The following CD177 variants were observed in gnomAD, a reference collection of about 807,000 sequenced individuals.
CD177 encodes the protein CD177 molecule.
CD177 carries 41 observed loss-of-function variants against 38.1 expected under a neutral mutation model. That is an observed-to-expected ratio of 1.07 (90% CI 0.84 to 1.39). The LOEUF (loss-of-function observed/expected upper bound fraction) is 1.39, where lower values mean the gene tolerates loss of function less well. Ranked by LOEUF, CD177 falls within the 40% of genes most tolerant of loss-of-function variation. CD177 has a pLI of 0.00. For missense variants in CD177, 619 were observed against 523.8 expected (o/e 1.18, Z -1.77); for synonymous variants, 236 against 216.7 (o/e 1.09, Z -0.78).
rs764171369 is a variant in CD177 at position 43,356,088 on chromosome 19, C to A, written c.599C>A (p.Thr200Asn). The change falls in exon 5 of 9, where the codon ACT (threonine) becomes AAT (asparagine). Residue 200 changes from threonine (T) to asparagine (N), a missense_variant. Transcript: ENST00000618265. Reference sequence around the variant, plus strand: ...CAGGAAATTGGGCCCGTGGGTATGACTGAGAACTGCGATATGAAAGGTGAG... The same window carrying A: ...CAGGAAATTGGGCCCGTGGGTATGAATGAGAACTGCGATATGAAAGGTGAG... ...GTQEIGPVGM[T>N]ENCDMKDFLT... 8.0e-6 allele frequency: 5 copies of A among 627,122 alleles called. No homozygotes were observed. The highest frequency in any genetic ancestry group is 1.4e-5 in the Non-Finnish European group (5 of 347,234). The allele number at this position is 627,122 out of a possible 1,614,324, so 38.8% of individuals were successfully genotyped here.
chr19:43,361,022 G>A (rs1207906680), intron 6 of CD177, 121 bp from the exon 7 acceptor site: 8 of 620,996 alleles, frequency 1.3e-5, no homozygotes, highest in Non-Finnish European at 2.1e-5. Context: ...CCCAGCAGTT[G>A]TGATCAGGGC....
rs368997775 is a variant in CD177 at position 43,362,286 on chromosome 19, C to T, written c.1280C>T (p.Ala427Val). 40 of 1,585,636 alleles carry T rather than the reference C, an allele frequency of 2.5e-5. No individual in the cohort carries two copies. Among genetic ancestry groups the T allele is most frequent in the East Asian group, 2.5e-4 (11 of 44,568 alleles). The change falls in exon 9 of 9, where the codon GCG becomes GTG. Residue 427 changes from alanine to valine, a missense_variant. Transcript: ENST00000618265. ...TWGVGLALAP[A>V]LWWGVVCPSC ...GGGGTGGGGCTGGCACTGGCCCCAG[C>T]GCTGTGGTGGGGAGTGGTTTGCCCT... is the stretch of plus-strand genomic sequence containing the variant.
intron 8 of CD177, 118 bp from the exon 9 acceptor site, chr19:43,361,970 G>A: frequency 1.2e-6 from 1 of 812,284 alleles, no homozygotes; most frequent in Non-Finnish European, 2.0e-6. Flanking sequence ...TGAGGAGCTG[G>A]AGCTGGGGGT....
In CD177 at chr19:43,362,892, CA is replaced by C. The variant is rs1257262011; in HGVS notation, c.*573del. 1 of 152,304 alleles carries C rather than the reference CA, an allele frequency of 6.6e-6. No individual in the cohort carries two copies. The highest frequency in any genetic ancestry group is 1.5e-5 in the Non-Finnish European group (1 of 68,114). The allele number at this position is 152,304 out of a possible 1,614,324, so 9.4% of individuals were successfully genotyped here. A position where few individuals can be genotyped will look rare whatever the true frequency, so the allele number is the denominator to read the frequency against. ...TGCAGGAGAGGTTAGTACAGTCATG[CA>C]TTGCTTAACGACAGGGACGTGTCGT... On this transcript the variant is annotated 3_prime_UTR_variant, in exon 9 of 9. Coordinates refer to ENST00000618265, the MANE Select transcript of CD177 (RefSeq NM_020406.4).
Position 43,355,720 on chromosome 19 carries a change from A to G in CD177, c.439A>G (p.Thr147Ala). 6.2e-7 allele frequency: 1 copy of G among 1,612,972 alleles called. No individual in the cohort carries two copies. The highest frequency in any genetic ancestry group is 8.5e-7 in the Non-Finnish European group (1 of 1,179,350). The change falls in exon 4 of 9, where the codon ACA (threonine) becomes GCA (alanine). Residue 147 changes from threonine (T) to alanine (A), a missense_variant. Thr to Ala is a moderately conservative substitution (Grantham distance 58). Coordinates refer to ENST00000618265, the MANE Select transcript of CD177 (RefSeq NM_020406.4). ...LSMEGCLEGT[T>A]EEICPKGTTH... ...TATGGAAGGCTGTCTGGAGGGGACA[A>G]CAGAAGAGATCTGCCCCAAGGGGAC...
intron 8 of CD177, among the ~76,000 whole-genome samples, chr19:43,361,826 G>A (rs1163451118): frequency 6.7e-6 from 1 of 150,070 alleles, no homozygotes; most frequent in East Asian, 2.0e-4. Flanking sequence ...GTCTGAGGGA[G>A]GAGGGGCTGG....
Position 43,354,443 on chromosome 19 carries a change from C to G in CD177, c.379+51C>G, listed in dbSNP as rs770367306. ...AGGGAGGGGCTGCTAGAAGGGGATC[C>G]GCTGAGCACAGAGGGGCTGTTACGG... On this transcript the variant is annotated intron_variant, in intron 3 of 8. Coordinates refer to ENST00000618265, the MANE Select transcript of CD177 (RefSeq NM_020406.4). The G allele has an allele frequency of 1.2e-5, 19 of 1,589,432 alleles. No individual in the cohort carries two copies. In the South Asian group the frequency reaches 2.1e-4, roughly 18 times the overall value.
intron 5 of CD177, 102 bp from the exon 6 acceptor site, chr19:43,360,163 G>A (rs1969939907): frequency 1.5e-6 from 2 of 1,372,836 alleles, no homozygotes; most frequent in East Asian, 2.5e-5. Context: ...AGGTCACCTG[G>A]AGTGTGACTC....
chr19:43,363,520 G>C (rs1970003700), downstream of CD177, among the ~76,000 whole-genome samples: 1 of 152,210 alleles, frequency 6.6e-6, no homozygotes, highest in Non-Finnish European at 1.5e-5. Context: ...AGCCCACAAT[G>C]ATACTGGGGA....
Position 43,362,217 on chromosome 19 carries a change from A to G in CD177, c.1211A>G (p.Gln404Arg). 1 of 1,601,814 alleles carries G rather than the reference A, an allele frequency of 6.2e-7. No homozygotes were observed. Among genetic ancestry groups the G allele is most frequent in the Non-Finnish European group, 8.5e-7 (1 of 1,173,444 alleles). ...CGTGATGTGCAGCCTCCTGCCTCTC[A>G]GCATGAGGGAGGTGGGGCTGAGGGC... Reference protein sequence around the residue: ...EKRDVQPPASQHEGGGAEGLE... With the variant: ...EKRDVQPPASRHEGGGAEGLE... The change falls in exon 9 of 9, where the codon CAG becomes CGG. Residue 404 changes from glutamine to arginine, a missense_variant. Coordinates refer to ENST00000618265, the MANE Select transcript of CD177 (RefSeq NM_020406.4).
Position 43,356,044 on chromosome 19 carries a change from C to A in CD177, c.555C>A (p.Cys185Ter). 1 of 665,484 alleles carries A rather than the reference C, an allele frequency of 1.5e-6. No homozygotes were observed. The highest frequency in any genetic ancestry group is 1.7e-5 in the South Asian group (1 of 58,166). 41.2% of individuals were successfully genotyped at this position (665,484 alleles called of 1,614,324 possible). Residue 185 changes from cysteine to a stop codon, truncating the protein, a stop_gained, in exon 5 of 9, where the codon TGC becomes TGA. Coordinates refer to ENST00000618265, the MANE Select transcript of CD177 (RefSeq NM_020406.4). LOFTEE classifies it high-confidence loss of function. Reference protein sequence around the residue: ...RVQGCMPQPVCNLLNGTQEIG... With the variant: ...RVQGCMPQPV Reference sequence around the variant, plus strand: ...AGGGATGCATGCCCCAGCCAGTTTGCAACCTGCTCAATGGGACACAGGAAA... The same window carrying A: ...AGGGATGCATGCCCCAGCCAGTTTGAAACCTGCTCAATGGGACACAGGAAA...
Position 43,362,095 on chromosome 19 carries a change from G to A in CD177, c.1089G>A (p.Leu363=). 1 of 1,613,596 alleles carries A rather than the reference G, an allele frequency of 6.2e-7. No individual in the cohort carries two copies. The highest frequency in any genetic ancestry group is 1.3e-5 in the African/African-American group (1 of 75,022). Residue 363 remains leucine, a synonymous_variant, in exon 9 of 9, where the codon CTG becomes CTA. Transcript: ENST00000618265. Reference sequence around the variant, plus strand: ...TTGGTCTTCTCCCTCTAGGTGGGCTGTCCACCAAAATGAGCATTCAGGGCT... The same window carrying A: ...TTGGTCTTCTCCCTCTAGGTGGGCTATCCACCAAAATGAGCATTCAGGGCT... ...DGYIHLSGGG[L]STKMSIQGCV...
At chr19:43,363,397 CAT>C (rs1970002152), downstream of CD177, among the ~76,000 whole-genome samples, 1 of 148,770 alleles carries the variant, frequency 6.7e-6, no homozygotes, top group East Asian at 2.0e-4. Flanking sequence ...GAGAGAGAGA[CAT>C]AGACAGAAAG....
chr19:43,354,170 G>C (rs374366448), intron 2 of CD177, 37 bp from the exon 3 acceptor site: 2 of 1,595,608 alleles, frequency 1.3e-6, no homozygotes, highest in Non-Finnish European at 1.7e-6. Context: ...CTGGAGGCCT[G>C]ACCTCCATCC....
At position 43,353,756 on chromosome 19, in the gene CD177, C is replaced by T; in HGVS notation, c.42C>T (p.Leu14=). The part of the protein sequence containing the change: ...VLLLALLGFI[L]PLPGVQALLC... ...TGCTGGCCCTCCTGGGGTTCATCCT[C>T]CCACTGCCAGGTGAGTGATGAGCCC... The change falls in exon 1 of 9, where the codon CTC becomes CTT. Residue 14 remains leucine (L), a synonymous_variant. Transcript: ENST00000618265. 4 of 1,613,928 alleles carry T rather than the reference C, an allele frequency of 2.5e-6. No homozygotes were observed. Among genetic ancestry groups the T allele is most frequent in the Middle Eastern group, 1.7e-4 (1 of 6,060 alleles).
intron 5 of CD177, among the ~76,000 whole-genome samples, chr19:43,360,009 T>C (rs1236177684): frequency 2.6e-5 from 4 of 151,774 alleles, no homozygotes; most frequent in African/African-American, 9.7e-5. Context: ...TCCATTGCTC[T>C]CACAGCTAAA....
chr19:43,361,426 C>T lies in CD177; in HGVS notation c.947-19C>T, dbSNP rs780284834. ...CTGAGCACAAAGTCATGTACCCCCA[C>T]CTTCCCTCTGCTCCCCAGCTGCCCC... On this transcript the variant is annotated intron_variant, in intron 7 of 8. Coordinates refer to ENST00000618265, the MANE Select transcript of CD177 (RefSeq NM_020406.4). 5.0e-6 allele frequency: 8 copies of T among 1,594,892 alleles called. No individual in the cohort carries two copies. The East Asian group carries it at 1.3e-4, about 27-fold the overall frequency.
intron 8 of CD177, 61 bp from the exon 9 acceptor site, chr19:43,362,027 G>C: frequency 1.4e-6 from 2 of 1,458,478 alleles, no homozygotes; most frequent in South Asian, 2.4e-5. Flanking sequence ...CTGGACTCCT[G>C]GGTTTACAAC....
intron 5 of CD177, 97 bp downstream of exon 5, chr19:43,356,205 A>G (rs1187148281): frequency 4.6e-5 from 16 of 348,490 alleles, no homozygotes; most frequent in Non-Finnish European, 7.0e-5. Context: ...AGCAGGAGGA[A>G]GGTCAAGGGT....
Sources: allele counts gnomAD v4.1 joint callset (sites outside exome capture counted in the v4.1 genomes callset), GRCh38; gene constraint gnomAD v4.1.1; transcripts MANE v1.5; gene names NCBI Gene and HGNC (gene_info 2026-07-23, HGNC 2026-07-21).